Variants in PRKAG2 observed in about 807,000 individuals in gnomAD.
PRKAG2 encodes protein kinase AMP-activated non-catalytic subunit gamma 2.
In PRKAG2, 26 loss-of-function variants were observed where a neutral mutation model predicts 69.6. The ratio of observed to expected loss-of-function variants is 0.37; its 90% CI spans 0.27 to 0.52. The LOEUF is 0.52. Ranked by LOEUF, PRKAG2 falls within the 20% of genes least tolerant of loss-of-function variation. The pLI, the probability that PRKAG2 is intolerant of heterozygous loss-of-function variation, is 0.90. For missense variants in PRKAG2, 557 were observed against 740.0 expected (o/e 0.75, Z 2.87); for synonymous variants, 293 against 285.0 (o/e 1.03, Z -0.28).
rs1428657309 is a variant in PRKAG2, at chr7:151,556,748, G to C, written c.*453C>G. ...AAATCTAAAGAAAACAAACTGATTT[G>C]GTAAAAGGTTCAAAGACTTCCACAT... On this transcript the variant is annotated 3_prime_UTR_variant, in exon 16 of 16. Coordinates refer to ENST00000287878, the MANE Select transcript of PRKAG2 (RefSeq NM_016203.4). The C allele has an allele frequency of 6.2e-6, 1 of 161,152 alleles. No individual in the cohort carries two copies. The highest frequency in any genetic ancestry group is 1.4e-5 in the Non-Finnish European group (1 of 72,858). 10.0% of individuals were successfully genotyped at this position (161,152 alleles called of 1,614,324 possible). A position where few individuals can be genotyped will look rare whatever the true frequency, so the allele number is the denominator to read the frequency against.
intron 1 of PRKAG2, among the ~76,000 whole-genome samples, chr7:151,859,790 TA>T (rs1291694928): frequency 2.0e-5 from 3 of 152,248 alleles, no homozygotes; most frequent in Non-Finnish European, 4.4e-5. Context: ...ACCGAGGATG[TA>T]TCTCCATCTC....
chr7:151,619,445 T>G (rs1820945798), intron 5 of PRKAG2, among the ~76,000 whole-genome samples: 1 of 152,060 alleles, frequency 6.6e-6, no homozygotes, highest in Admixed American at 6.5e-5. Flanking sequence ...AACACATCGG[T>G]TTTTCACTGT....
chr7:151,624,142 G>A (rs1271949093), intron 5 of PRKAG2, among the ~76,000 whole-genome samples: 4 of 33,564 alleles, frequency 1.2e-4, no homozygotes, highest in African/African-American at 3.7e-4. Context: ...GGCAGCGTGT[G>A]TGTGTGTGTG....
At chr7:151,754,897 C>T (rs1312061080) in intron 3 of PRKAG2, among the ~76,000 whole-genome samples, 1 of 152,066 alleles carries the variant, frequency 6.6e-6, no homozygotes, top group Non-Finnish European at 1.5e-5. Flanking sequence ...GAGCAGCGAC[C>T]TGAAGGAAGG....
chr7:151,669,869 C>G (rs79090777), intron 4 of PRKAG2, among the ~76,000 whole-genome samples: 549 of 8,072 alleles, frequency 0.068, 2 homozygotes, highest in African/African-American at 0.18. Flanking sequence ...TGCATACATA[C>G]TTGCACACAC....
At chr7:151,791,242 G>T (rs182251727) in intron 1 of PRKAG2, among the ~76,000 whole-genome samples, 191 of 152,320 alleles carry the variant, frequency 1.3e-3, no homozygotes, top group African/African-American at 4.4e-3. Context: ...TGGGGCCGGT[G>T]TGGGAAAATC....
chr7:151,705,095 T>G (rs1444550864), intron 3 of PRKAG2, among the ~76,000 whole-genome samples: 1 of 152,236 alleles, frequency 6.6e-6, no homozygotes, highest in Non-Finnish European at 1.5e-5. Flanking sequence ...AGCAAGTTAA[T>G]GAGAATTTTT....
At chr7:151,658,480 C>G (rs1297741418) in intron 4 of PRKAG2, among the ~76,000 whole-genome samples, 1 of 91,286 alleles carries the variant, frequency 1.1e-5, no homozygotes, top group Non-Finnish European at 2.0e-5. Flanking sequence ...GCAAGATTGT[C>G]GCAAAAAAAA....
chr7:151,772,046 A>G (rs2076046468), intron 3 of PRKAG2, among the ~76,000 whole-genome samples: 1 of 152,238 alleles, frequency 6.6e-6, no homozygotes, highest in Non-Finnish European at 1.5e-5. Context: ...CAGACAGTTT[A>G]CACTCTGGTG....
intron 1 of PRKAG2, among the ~76,000 whole-genome samples, chr7:151,866,450 G>A (rs1220045444): frequency 6.6e-6 from 1 of 152,140 alleles, no homozygotes; most frequent in Non-Finnish European, 1.5e-5. Context: ...AAAGAGAGAC[G>A]GCTCATATAA....
At chr7:151,727,834 G>A (rs989961452) in intron 3 of PRKAG2, among the ~76,000 whole-genome samples, 2 of 152,182 alleles carry the variant, frequency 1.3e-5, no homozygotes, top group African/African-American at 4.8e-5. Context: ...ATTAGCTGAT[G>A]TGTCATCTCT....
At chr7:151,697,065 T>C (rs1748175957) in intron 3 of PRKAG2, among the ~76,000 whole-genome samples, 1 of 151,712 alleles carries the variant, frequency 6.6e-6, no homozygotes, top group Non-Finnish European at 1.5e-5. Flanking sequence ...TGGAGGCGCC[T>C]GGCATGGGGA....
chr7:151,854,857 G>A (rs931336349), intron 1 of PRKAG2, among the ~76,000 whole-genome samples: 6 of 152,142 alleles, frequency 3.9e-5, no homozygotes, highest in East Asian at 3.9e-4. Flanking sequence ...GGATGGCCTC[G>A]CAGCCCAGTT....
intron 3 of PRKAG2, among the ~76,000 whole-genome samples, chr7:151,733,764 A>G (rs1471583854): frequency 6.6e-6 from 1 of 151,504 alleles, no homozygotes; most frequent in African/African-American, 2.4e-5. Context: ...TGATGTGATC[A>G]GAGATCACTG....
chr7:151,774,656 A>T (rs562267795), intron 3 of PRKAG2, among the ~76,000 whole-genome samples: 1 of 152,098 alleles, frequency 6.6e-6, no homozygotes, highest in Non-Finnish European at 1.5e-5. Flanking sequence ...AAAATACAAA[A>T]ATTAGCCAGG....
At chr7:151,700,465 G>C (rs1441276447) in intron 3 of PRKAG2, among the ~76,000 whole-genome samples, 1 of 152,204 alleles carries the variant, frequency 6.6e-6, no homozygotes, top group Non-Finnish European at 1.5e-5. Context: ...GCGGCTGTAG[G>C]CCAGGGGTTC....
intron 3 of PRKAG2, among the ~76,000 whole-genome samples, chr7:151,776,056 C>T (rs1415813083): frequency 1.3e-5 from 2 of 152,260 alleles, no homozygotes; most frequent in Non-Finnish European, 2.9e-5. Context: ...AGTAACACCA[C>T]AGCACAGAGA....
At chr7:151,838,019 C>T (rs766148438) in intron 1 of PRKAG2, among the ~76,000 whole-genome samples, 27 of 152,110 alleles carry the variant, frequency 1.8e-4, no homozygotes, top group Non-Finnish European at 8.8e-5. Flanking sequence ...GCCTCGGGAA[C>T]GCGCACAGGA....
At chr7:151,650,132 G>T (rs886637236) in intron 4 of PRKAG2, among the ~76,000 whole-genome samples, 2 of 152,100 alleles carry the variant, frequency 1.3e-5, no homozygotes, top group East Asian at 3.9e-4. Context: ...GAGGCGGGAG[G>T]ATTGCCTGGG....
Sources: gnomAD v4.1 joint callset for allele counts (sites outside exome capture counted in the v4.1 genomes callset) on GRCh38, gnomAD v4.1.1 for gene constraint, MANE v1.5 for transcripts, NCBI Gene and HGNC (gene_info 2026-07-23, HGNC 2026-07-21) for gene names.